ROBO1: variants seen among roughly 807,000 people sequenced by gnomAD.
The protein encoded by ROBO1 is roundabout guidance receptor 1.
Under a neutral mutation model 195.9 loss-of-function variants are expected in ROBO1, and 149 were observed. That is an observed-to-expected ratio of 0.76 (90% CI 0.67 to 0.87). The LOEUF (loss-of-function observed/expected upper bound fraction) is 0.87. Ranked by LOEUF, ROBO1 falls within the 40% of genes least tolerant of loss-of-function variation. The pLI, the probability that ROBO1 is intolerant of heterozygous loss-of-function variation, is 0.00. For synonymous variants in ROBO1, 816 were observed against 733.2 expected, an observed-to-expected ratio of 1.11 and a Z score of -1.82; for missense variants, 1,933 against 2,068.3, an observed-to-expected ratio of 0.93 and a Z score of 1.27.
chr3:79,414,368 T>C (rs1262595737), intron 2 of ROBO1, among the ~76,000 whole-genome samples: 1 of 152,104 alleles, frequency 6.6e-6, no homozygotes. Context: ...TGAAAGAAAA[T>C]TGTCAAAAGT....
chr3:78,964,091 G>A lies in ROBO1; in HGVS notation c.173-25164C>T, dbSNP rs1012879837. Among the ~76,000 whole-genome samples the A allele has an allele frequency of 1.1e-4, 16 of 152,004 alleles. No individual in the cohort carries two copies. In the East Asian group the frequency reaches 1.4e-3, roughly 13 times the overall value. On this transcript the variant is annotated intron_variant, in intron 3 of 30. Transcript: ENST00000464233. ...AGTGGTTTCCTGGCAGTTCCCCGGC[G>A]GCTGCTGCATCACCTATCCTGATCC...
chr3:79,285,563 G>A (rs980573332), intron 2 of ROBO1, among the ~76,000 whole-genome samples: 8 of 152,138 alleles, frequency 5.3e-5, no homozygotes, highest in African/African-American at 1.9e-4. Flanking sequence ...TCTTGATCAT[G>A]GGACCCTTCA....
At chr3:79,526,699 G>T (rs190590921) in intron 2 of ROBO1, 2 of 152,254 alleles carry the variant, frequency 1.3e-5, no homozygotes, top group Admixed American at 1.3e-4. Flanking sequence ...CATGAGAACT[G>T]AATTTTTGTC....
chr3:78,845,890 G>A (rs888362143), intron 4 of ROBO1, among the ~76,000 whole-genome samples: 2 of 152,114 alleles, frequency 1.3e-5, no homozygotes, highest in African/African-American at 4.8e-5. Flanking sequence ...AATGTGTTCA[G>A]AATTCTTCAG....
chr3:79,037,015 A>C (rs1000192232), intron 3 of ROBO1, among the ~76,000 whole-genome samples: 7 of 152,160 alleles, frequency 4.6e-5, no homozygotes, highest in African/African-American at 9.7e-5. Context: ...AGTATATATA[A>C]AATTTCTTTC....
intron 4 of ROBO1, among the ~76,000 whole-genome samples, chr3:78,790,563 C>G (rs1291103805): frequency 6.6e-6 from 1 of 152,176 alleles, no homozygotes; most frequent in Non-Finnish European, 1.5e-5. Flanking sequence ...AGGTCTTACT[C>G]ATGCTTACTA....
At chr3:79,120,459 CT>C (rs903072257) in intron 3 of ROBO1, among the ~76,000 whole-genome samples, 3 of 152,122 alleles carry the variant, frequency 2.0e-5, no homozygotes, top group Admixed American at 6.5e-5. Context: ...CCTAGTAAAA[CT>C]TTTTTGATTT....
chr3:79,323,312 C>T (rs1212045004), intron 2 of ROBO1, among the ~76,000 whole-genome samples: 2 of 152,098 alleles, frequency 1.3e-5, no homozygotes, highest in East Asian at 3.9e-4. Flanking sequence ...GAACTCTTGA[C>T]CTCATGATCC....
chr3:78,747,132 G>A lies in ROBO1; in HGVS notation c.500-232C>T, dbSNP rs142010468. 1.3e-3 allele frequency among the ~76,000 whole-genome samples: 191 copies of A among 152,232 alleles called. 1 individual carries two copies. Among genetic ancestry groups the A allele is most frequent in the African/African-American group, 4.3e-3 (179 of 41,548 alleles). ...ATATTCTTCAGAGGCCAGCAGGCGCGTGTATTCCGCTGCTTAGTGCCCTCA... is the reference window on the plus strand; with the variant it reads ...ATATTCTTCAGAGGCCAGCAGGCGCATGTATTCCGCTGCTTAGTGCCCTCA... On this transcript the variant is annotated intron_variant, in intron 4 of 30. Coordinates refer to ENST00000464233, the MANE Select transcript of ROBO1 (RefSeq NM_002941.4).
Position 78,597,819 on chromosome 3 carries a change from C to T in ROBO1, c.*1094G>A, listed in dbSNP as rs893240417. ...CACCATCTGTCATTATTCAAATATT[C>T]CAAATACAAACATAGAGCATTAACA... On this transcript the variant is annotated 3_prime_UTR_variant, in exon 31 of 31. Coordinates refer to ENST00000464233, the MANE Select transcript of ROBO1 (RefSeq NM_002941.4). The T allele has an allele frequency of 1.3e-5, 2 of 152,196 alleles. No homozygotes were observed. The highest frequency in any genetic ancestry group is 2.9e-5 in the Non-Finnish European group (2 of 67,920). 9.4% of individuals were successfully genotyped at this position (152,196 alleles called of 1,614,324 possible).
chr3:79,498,726 C>A (rs1350634410), intron 2 of ROBO1, among the ~76,000 whole-genome samples: 1 of 151,572 alleles, frequency 6.6e-6, no homozygotes. Flanking sequence ...TGGAGGTGGG[C>A]GCCTGTAATC....
intron 3 of ROBO1, among the ~76,000 whole-genome samples, chr3:79,093,592 C>A (rs188948728): frequency 2.8e-4 from 43 of 152,100 alleles, no homozygotes; most frequent in Non-Finnish European, 2.4e-4. Context: ...ACCCTCAGGA[C>A]AGATACTCCT....
At chr3:78,746,118 C>T (rs1475529575) in intron 5 of ROBO1, among the ~76,000 whole-genome samples, 1 of 152,126 alleles carries the variant, frequency 6.6e-6, no homozygotes, top group East Asian at 1.9e-4. Context: ...ACAAAGAAGT[C>T]ATATAGAATC....
At chr3:79,671,078 A>G (rs939419602) in intron 1 of ROBO1, among the ~76,000 whole-genome samples, 2 of 151,862 alleles carry the variant, frequency 1.3e-5, no homozygotes, top group Admixed American at 6.6e-5. Flanking sequence ...AAGCAGGTAT[A>G]TGGAATTAAA....
chr3:79,333,064 G>C lies in ROBO1; in HGVS notation c.89-207525C>G, dbSNP rs537395225. Among the ~76,000 whole-genome samples, 25 of 152,024 alleles carry C rather than the reference G, an allele frequency of 1.6e-4. No individual in the cohort carries two copies. In the South Asian group the frequency reaches 2.5e-3, roughly 15 times the overall value. ...TGAAAATACAAAAAATTAGCCAGGG[G>C]GGGTAGCATGCGCCTGTAGTCCCAG... On this transcript the variant is annotated intron_variant, in intron 2 of 30. Transcript: ENST00000464233.
chr3:79,093,983 A>C (rs938060592), intron 3 of ROBO1, among the ~76,000 whole-genome samples: 1 of 152,106 alleles, frequency 6.6e-6, no homozygotes, highest in South Asian at 2.1e-4. Flanking sequence ...ATGTAAATGA[A>C]AGAGAGATGG....
chr3:79,064,950 G>A (rs893472509), intron 3 of ROBO1, among the ~76,000 whole-genome samples: 1 of 151,970 alleles, frequency 6.6e-6, no homozygotes, highest in Admixed American at 6.6e-5. Context: ...ATTACAGAAA[G>A]TGTAGAAGTT....
At chr3:79,592,108 T>C (rs566353979) in intron 1 of ROBO1, among the ~76,000 whole-genome samples, 3 of 151,982 alleles carry the variant, frequency 2.0e-5, no homozygotes, top group Admixed American at 6.6e-5. Context: ...GATTTTTGTA[T>C]CTGTGGCTAA....
At chr3:79,765,476 G>A (rs1029210124) in intron 1 of ROBO1, among the ~76,000 whole-genome samples, 20 of 152,236 alleles carry the variant, frequency 1.3e-4, no homozygotes, top group African/African-American at 4.3e-4. Context: ...TCAACATGAT[G>A]CATGCTTACA....
Sources: gnomAD v4.1 joint callset for allele counts (sites outside exome capture counted in the v4.1 genomes callset) on GRCh38, gnomAD v4.1.1 for gene constraint, MANE v1.5 for transcripts, NCBI Gene and HGNC (gene_info 2026-07-23, HGNC 2026-07-21) for gene names.